Variants in DST observed in about 807,000 individuals in gnomAD.
The protein encoded by DST is bullous pemphigoid antigen.
DST carries 253 observed loss-of-function variants against 875.2 expected under a neutral mutation model. That is an observed-to-expected ratio of 0.29 (90% CI 0.26 to 0.32). The LOEUF (loss-of-function observed/expected upper bound fraction) is 0.32, where lower values mean the gene tolerates loss of function less well. DST is among the 10% of genes least tolerant of loss of function. The pLI is 1.00. For synonymous variants in DST, 3,124 were observed against 3,197.1 expected (o/e 0.98, Z 0.77); for missense variants, 8,287 against 9,111.6 (o/e 0.91, Z 3.68).
chr6:56,578,762 C>T (rs961877033), intron 50 of DST, 52 bp downstream of exon 50: 4 of 1,593,856 alleles, frequency 2.5e-6, no homozygotes, highest in Middle Eastern at 1.7e-4. Context: ...ATTAGGACAC[C>T]TTTCTTTAGA....
chr6:56,642,850 C>T, intron 15 of DST: 1 of 1,607,976 alleles, frequency 6.2e-7, no homozygotes, highest in Non-Finnish European at 8.5e-7. Flanking sequence ...GGTAGGAGGT[C>T]TGGAAAAAGC....
chr6:56,601,368 C>G (rs769762479), intron 44 of DST, 75 bp downstream of exon 44: 6 of 958,180 alleles, frequency 6.3e-6, no homozygotes, highest in Non-Finnish European at 9.5e-6. Context: ...TCCTGTCACA[C>G]TATACTCCTT....
At chr6:56,591,923 C>T (rs4712136) in intron 49 of DST, among the ~76,000 whole-genome samples, 1 of 147,504 alleles carries the variant, frequency 6.8e-6, no homozygotes, top group Admixed American at 6.8e-5. Flanking sequence ...CGGCAGTTGC[C>T]GTGAGCTGAG....
At chr6:56,766,821 G>A (rs367678632) in intron 4 of DST, among the ~76,000 whole-genome samples, 4 of 152,120 alleles carry the variant, frequency 2.6e-5, no homozygotes, top group Non-Finnish European at 5.9e-5. Flanking sequence ...ATGAGCCACC[G>A]CACACAGCCT....
chr6:56,506,683 T>C lies in DST; in HGVS notation c.19346A>G (p.Lys6449Arg), dbSNP rs775631178. The C allele has an allele frequency of 7.8e-5, 126 of 1,613,540 alleles. No homozygotes were observed. Among genetic ancestry groups the C allele is most frequent in the Non-Finnish European group, 1.0e-4 (123 of 1,179,708 alleles). ...CAGTTGTACCTCATCTATACTCTTC[T>C]TGACAATGGGTTTATCAGGCTCCCC... Reference protein sequence around the residue: ...ACGEPDKPIVKKSIDELNSAW... With the variant: ...ACGEPDKPIVRKSIDELNSAW... Residue 6449 changes from lysine to arginine, a missense_variant, in exon 76 of 104, where the codon AAG becomes AGG. Physicochemically the swap from Lys to Arg is conservative, Grantham distance 26 (BLOSUM62 2). Coordinates refer to ENST00000680361, the MANE Select transcript of DST (RefSeq NM_001374736.1).
Position 56,640,453 on chromosome 6 carries a change from G to C in DST, c.2180C>G (p.Pro727Arg). ...CTGGGTCAGCCCTGAGGTCAGACTA[G>C]GGTGTAAGGTCTGTGCAAATCCTGA... The part of the protein sequence containing the change: ...LNSGFAQTLH[P>R]SLTSGLTQSL... Residue 727 changes from proline (P) to arginine (R), a missense_variant, in exon 18 of 104, where the codon CCT becomes CGT. Pro to Arg is a moderately radical substitution (Grantham distance 103). Coordinates refer to ENST00000680361, the MANE Select transcript of DST (RefSeq NM_001374736.1). 3 of 1,614,168 alleles carry C rather than the reference G, an allele frequency of 1.9e-6. No homozygotes were observed. The highest frequency in any genetic ancestry group is 2.5e-6 in the Non-Finnish European group (3 of 1,180,014).
chr6:56,668,861 T>C (rs1043562392), intron 10 of DST, among the ~76,000 whole-genome samples: 8 of 151,406 alleles, frequency 5.3e-5, no homozygotes, highest in African/African-American at 1.9e-4. Context: ...ACATTGAAAT[T>C]TCCAAAATAA....
chr6:56,495,829 T>C (rs2095882734), intron 82 of DST, among the ~76,000 whole-genome samples: 1 of 152,174 alleles, frequency 6.6e-6, no homozygotes, highest in Non-Finnish European at 1.5e-5. Context: ...CTTAAACTAC[T>C]GATGGTGATT....
At chr6:56,567,428 G>GAAAAAAAAAA (rs2097697635) in intron 55 of DST, among the ~76,000 whole-genome samples, 1 of 74,386 alleles carries the variant, frequency 1.3e-5, no homozygotes, top group African/African-American at 5.3e-5. Flanking sequence ...GTTACCAAGA[G>GAAAAAAAAAA]TAAAAAAAAA....
At chr6:56,594,942 T>C (rs2152690416) in intron 47 of DST, among the ~76,000 whole-genome samples, 1 of 152,312 alleles carries the variant, frequency 6.6e-6, no homozygotes, top group East Asian at 1.9e-4. Context: ...CAGGCAGGTG[T>C]GCTGCAGGCA....
chr6:56,647,190 T>G (rs1162928594), intron 13 of DST, among the ~76,000 whole-genome samples: 2 of 152,236 alleles, frequency 1.3e-5, no homozygotes. Flanking sequence ...GAAATCAGAA[T>G]GCAATGTTTC....
intron 92 of DST, 92 bp from the exon 93 acceptor site, chr6:56,474,094 T>C: frequency 9.0e-7 from 1 of 1,108,666 alleles, no homozygotes; most frequent in Non-Finnish European, 1.3e-6. Flanking sequence ...AAAAGAACCA[T>C]GTTATTATTT....
At chr6:56,713,575 C>T (rs552223354) in intron 5 of DST, among the ~76,000 whole-genome samples, 13 of 152,138 alleles carry the variant, frequency 8.5e-5, no homozygotes, top group Non-Finnish European at 1.6e-4. Context: ...CCTCATAGAG[C>T]GGGGTTAGTG....
chr6:56,925,337 C>T (rs1446062585), intron 2 of DST, among the ~76,000 whole-genome samples: 1 of 152,128 alleles, frequency 6.6e-6, no homozygotes, highest in Non-Finnish European at 1.5e-5. Flanking sequence ...TTTTAAAAAA[C>T]ATACAGTCGA....
At chr6:56,846,478 C>T (rs7761729) in intron 4 of DST, among the ~76,000 whole-genome samples, 31,120 of 152,118 alleles carry the variant, frequency 0.2, 3,738 homozygotes, top group African/African-American at 0.32. Flanking sequence ...TGTAACTTTA[C>T]AGGTAGTTTA....
At chr6:56,796,436 G>C (rs1310203519) in intron 4 of DST, among the ~76,000 whole-genome samples, 1 of 152,222 alleles carries the variant, frequency 6.6e-6, no homozygotes, top group Admixed American at 6.5e-5. Context: ...CTGTCTAGTG[G>C]TAGAAACGGT....
At chr6:56,546,359 T>TATATATATATATTTC (rs1554326192) in intron 61 of DST, among the ~76,000 whole-genome samples, 2 of 112,982 alleles carry the variant, frequency 1.8e-5, no homozygotes, top group African/African-American at 7.1e-5. Context: ...TATATATATA[T>TATATATATATATTTC]ATATATATAT....
chr6:56,803,850 G>C (rs1179918342), intron 4 of DST, among the ~76,000 whole-genome samples: 1 of 152,172 alleles, frequency 6.6e-6, no homozygotes, highest in East Asian at 1.9e-4. Flanking sequence ...CAATTTCTTT[G>C]TAACCCAATC....
At chr6:56,546,639 C>T (rs1186754839) in intron 61 of DST, among the ~76,000 whole-genome samples, 1 of 151,824 alleles carries the variant, frequency 6.6e-6, no homozygotes, top group Non-Finnish European at 1.5e-5. Flanking sequence ...AGACACTTTT[C>T]ACTTAAAATC....
Sources: gnomAD v4.1 joint callset for allele counts (sites outside exome capture counted in the v4.1 genomes callset) on GRCh38, gnomAD v4.1.1 for gene constraint, MANE v1.5 for transcripts, NCBI Gene and HGNC (gene_info 2026-07-23, HGNC 2026-07-21) for gene names.